The following EDARADD variants were observed in gnomAD, a reference collection of about 807,000 sequenced individuals.
EDARADD encodes ectodysplasin-A receptor-associated adapter protein.
Under a neutral mutation model 25.6 loss-of-function variants are expected in EDARADD, and 20 were observed. The ratio of observed to expected loss-of-function variants is 0.78; its 90% CI spans 0.55 to 1.14. The LOEUF (loss-of-function observed/expected upper bound fraction) is 1.14, where lower values mean the gene tolerates loss of function less well. Ranked by LOEUF, EDARADD falls within the 50% of genes most tolerant of loss-of-function variation. EDARADD has a pLI of 0.00. For missense variants in EDARADD, 225 were observed against 270.1 expected (o/e 0.83, Z 1.17); for synonymous variants, 86 against 94.4 (o/e 0.91, Z 0.52).
chr1:236,395,451 CGAAGGAGGAGAA>C lies in EDARADD; in HGVS notation c.61+951_61+962del. ...GCAGGAAGTGAGCTCGTGGAAGAAG[CGAAGGAGGAGAA>C]GAAGAAGGGAGGGGAAGGCGGAGGA... On this transcript the variant is annotated intron_variant, in intron 1 of 5. Transcript: ENST00000334232. This position sits in a 1 kb window ranked among gnomAD's most constrained non-coding sequence, Gnocchi z 6.9. The C allele has an allele frequency of 6.8e-7, 1 of 1,479,836 alleles. No homozygotes were observed. Among genetic ancestry groups the C allele is most frequent in the Non-Finnish European group, 8.9e-7 (1 of 1,117,768 alleles). 91.7% of individuals were successfully genotyped at this position (1,479,836 alleles called of 1,614,324 possible).
At chr1:236,370,990 T>C (rs1219477207) in intron 3 of EDARADD, among the ~76,000 whole-genome samples, 3 of 152,236 alleles carry the variant, frequency 2.0e-5, no homozygotes, top group African/African-American at 7.2e-5. Flanking sequence ...TGGAGTCGGT[T>C]AACTTAGACG....
At chr1:236,402,501 G>A (rs1667630896) in intron 1 of EDARADD, among the ~76,000 whole-genome samples, 1 of 152,188 alleles carries the variant, frequency 6.6e-6, no homozygotes, top group African/African-American at 2.4e-5. Flanking sequence ...AGGCTGCAGT[G>A]AGCTGTGATT....
chr1:236,443,487 A>G (rs1213548478), intron 4 of EDARADD, among the ~76,000 whole-genome samples: 1 of 152,190 alleles, frequency 6.6e-6, no homozygotes, highest in African/African-American at 2.4e-5. Context: ...AGTTGATTCC[A>G]ACGCTCATGG....
chr1:236,418,758 G>T (rs975560766), intron 3 of EDARADD, among the ~76,000 whole-genome samples: 3 of 152,310 alleles, frequency 2.0e-5, no homozygotes, highest in Middle Eastern at 3.4e-3. Flanking sequence ...CCAATATGTT[G>T]TATTTGATAT....
chr1:236,463,292 A>C (rs1659087427), intron 4 of EDARADD, among the ~76,000 whole-genome samples: 1 of 152,202 alleles, frequency 6.6e-6, no homozygotes, highest in African/African-American at 2.4e-5. Flanking sequence ...TAAAATACAC[A>C]TAACATAAAA....
chr1:236,363,006 A>AAAAAATATATATATATATATAT (rs1377112051), intron 3 of EDARADD, among the ~76,000 whole-genome samples: 2 of 42,946 alleles, frequency 4.7e-5, no homozygotes, highest in Admixed American at 3.5e-4. Context: ...AAAAAAAAAA[A>AAAAAATATATATATATATATAT]ATATATATAT....
chr1:236,454,269 C>T (rs942619510), intron 4 of EDARADD, among the ~76,000 whole-genome samples: 2 of 152,154 alleles, frequency 1.3e-5, no homozygotes, highest in East Asian at 1.9e-4. Flanking sequence ...AAGATGGTCT[C>T]GATCTCCTGA....
At chr1:236,466,736 G>C (rs922164272) in intron 4 of EDARADD, among the ~76,000 whole-genome samples, 1 of 152,130 alleles carries the variant, frequency 6.6e-6, no homozygotes, top group African/African-American at 2.4e-5. Context: ...GAGGAGAAAG[G>C]CTTCTCTGAG....
chr1:236,431,987 G>T (rs977771508), intron 4 of EDARADD, among the ~76,000 whole-genome samples: 2 of 151,736 alleles, frequency 1.3e-5, no homozygotes, highest in African/African-American at 2.4e-5. Flanking sequence ...TGTTGGAGAG[G>T]CAGTGCACAC....
In EDARADD at chr1:236,353,892, T is replaced by G. The variant is rs141884618; in HGVS notation, c.-6+3053T>G. Among the ~76,000 whole-genome samples the G allele has an allele frequency of 9.1e-4, 139 of 152,030 alleles. 1 individual carries two copies. The highest frequency in any genetic ancestry group is 3.3e-3 in the African/African-American group (136 of 41,470). On this transcript the variant is annotated intron_variant, in intron 3 of 7. Coordinates refer to the EDARADD transcript ENST00000439430. The stretch of plus-strand genomic sequence containing the variant: ...ACAGCTCTTTCCTTAAAAAAAAAGT[T>G]TTTTTTTGCAAGAGAAAAGACAGAT...
At chr1:236,457,838 A>G (rs1252737360) in intron 4 of EDARADD, among the ~76,000 whole-genome samples, 2 of 152,010 alleles carry the variant, frequency 1.3e-5, no homozygotes, top group East Asian at 3.9e-4. Context: ...AAAAAAAAAA[A>G]AAAAATCAGG....
intron 4 of EDARADD, among the ~76,000 whole-genome samples, chr1:236,439,936 T>C (rs1658358113): frequency 6.6e-6 from 1 of 152,212 alleles, no homozygotes. Flanking sequence ...CAAGGTTAAC[T>C]AGATTGTCTC....
chr1:236,452,504 C>A (rs78535975), intron 4 of EDARADD, among the ~76,000 whole-genome samples: 4 of 127,278 alleles, frequency 3.1e-5, no homozygotes, highest in Admixed American at 9.2e-5. Context: ...GATCCCCCCT[C>A]TCTCTCTCTC....
chr1:236,469,867 G>A (rs1258190875), intron 5 of EDARADD, among the ~76,000 whole-genome samples: 3 of 151,760 alleles, frequency 2.0e-5, no homozygotes, highest in Non-Finnish European at 2.9e-5. Flanking sequence ...GCGCCACCAC[G>A]CCCGGCTAAT....
At position 236,364,491 on chromosome 1, in the gene EDARADD, C is replaced by T. The variant is rs189213900; in HGVS notation, c.-6+13652C>T. On this transcript the variant is annotated intron_variant, in intron 3 of 7. Coordinates refer to the EDARADD transcript ENST00000439430. Reference sequence around the variant, plus strand: ...AATAGATAGATCAACTTGGAGGAAACTGACATCTTAACAGTATTGAGTCTT... The same window carrying T: ...AATAGATAGATCAACTTGGAGGAAATTGACATCTTAACAGTATTGAGTCTT... Among the ~76,000 whole-genome samples the T allele has an allele frequency of 3.3e-5, 5 of 152,350 alleles. No individual in the cohort carries two copies. The East Asian group carries it at 9.6e-4, about 29-fold the overall frequency.
At chr1:236,450,834 T>C (rs974810566) in intron 4 of EDARADD, among the ~76,000 whole-genome samples, 1 of 151,962 alleles carries the variant, frequency 6.6e-6, no homozygotes, top group South Asian at 2.1e-4. Context: ...CAGGCGTGAG[T>C]CACTGCATCC....
chr1:236,440,653 T>G (rs1658374602), intron 4 of EDARADD, among the ~76,000 whole-genome samples: 1 of 152,192 alleles, frequency 6.6e-6, no homozygotes, highest in African/African-American at 2.4e-5. Context: ...TCTAACAGCA[T>G]GTGTTCACTT....
At chr1:236,374,478 A>G (rs902410200) in intron 3 of EDARADD, among the ~76,000 whole-genome samples, 1 of 152,076 alleles carries the variant, frequency 6.6e-6, no homozygotes, top group Non-Finnish European at 1.5e-5. Flanking sequence ...CACGTTGCCC[A>G]GGCTGGTCTC....
chr1:236,452,816 C>T (rs1317247588), intron 4 of EDARADD, among the ~76,000 whole-genome samples: 1 of 152,084 alleles, frequency 6.6e-6, no homozygotes, highest in Non-Finnish European at 1.5e-5. Context: ...CTCACTTGGG[C>T]CCAATCAAAA....
Sources: allele counts gnomAD v4.1 joint callset (sites outside exome capture counted in the v4.1 genomes callset), GRCh38; gene constraint gnomAD v4.1.1; non-coding constraint Gnocchi (gnomAD v3.1); transcripts MANE v1.5; gene names NCBI Gene and HGNC (gene_info 2026-07-23, HGNC 2026-07-21).